Variants in ALG12 observed in about 807,000 individuals in gnomAD.
ALG12 encodes dol-P-Man:Man(7)GlcNAc(2)-PP-Dol alpha-1,6-mannosyltransferase.
ALG12 carries 36 observed loss-of-function variants against 46.0 expected under a neutral mutation model. The observed-to-expected ratio is 0.78, with a 90% CI of 0.60 to 1.03. ALG12 has a LOEUF of 1.03. Ranked by LOEUF, ALG12 falls within the 50% of genes least tolerant of loss-of-function variation. The pLI is 0.00. For synonymous variants in ALG12, 326 were observed against 291.6 expected (o/e 1.12, Z -1.20); for missense variants, 599 against 633.5 (o/e 0.95, Z 0.58).
At chr22:49,898,686 G>A (rs886345614), downstream of ALG12, among the ~76,000 whole-genome samples, 16 of 152,250 alleles carry the variant, frequency 1.1e-4, no homozygotes, top group Admixed American at 2.6e-4. Flanking sequence ...CACCACACCC[G>A]GCCAAGTGAA....
At chr22:49,912,087 C>T (rs1463009014) in intron 3 of ALG12, among the ~76,000 whole-genome samples, 4 of 144,562 alleles carry the variant, frequency 2.8e-5, no homozygotes, top group Admixed American at 6.8e-5. Context: ...GGATCACCCT[C>T]GGCCCCGGGA....
chr22:49,876,116 A>G, the ALG12 span, among the ~76,000 whole-genome samples: 2 of 151,942 alleles, frequency 1.3e-5, no homozygotes, highest in Non-Finnish European at 2.9e-5. Flanking sequence ...GTATTGCTGA[A>G]GTTTTATTCA....
rs1468674809 is a variant in ALG12, at chr22:49,903,142, T to TG, written c.*695dup. 33 of 360,806 alleles carry TG rather than the reference T, an allele frequency of 9.1e-5. 1 individual carries two copies. In the East Asian group the frequency reaches 2.5e-3, roughly 27 times the overall value. 22.4% of individuals were successfully genotyped at this position (360,806 alleles called of 1,614,324 possible). A position where few individuals can be genotyped will look rare whatever the true frequency, so the allele number is the denominator to read the frequency against. ...CAAGCTGTCCCTTTACCATAACACC[T>TG]GGAATAGTCACCTGTGATAAGCTAT... On this transcript the variant is annotated 3_prime_UTR_variant, in exon 10 of 10. Coordinates refer to ENST00000330817, the MANE Select transcript of ALG12 (RefSeq NM_024105.4).
the ALG12 span, chr22:49,885,773 C>T: frequency 6.2e-7 from 1 of 1,605,380 alleles, no homozygotes; most frequent in Non-Finnish European, 8.5e-7. Flanking sequence ...TCCAGGACAG[C>T]TATCCCAGGT....
At chr22:49,886,728 G>A in the ALG12 span, 30 of 1,613,178 alleles carry the variant, frequency 1.9e-5, 1 homozygote, top group Admixed American at 8.3e-5. The surrounding 1 kb of genome is among the most constrained non-coding windows in gnomAD (Gnocchi z 7.7). Flanking sequence ...AGGAGGAGGC[G>A]GAGCAGTACA....
rs957621646 is a variant in ALG12, at chr22:49,910,673, G to A, written c.296-66C>T. 17 of 1,577,960 alleles carry A rather than the reference G, an allele frequency of 1.1e-5. 1 individual carries two copies. In the Admixed American group the frequency reaches 2.7e-4, roughly 25 times the overall value. The stretch of plus-strand genomic sequence containing the variant: ...GAGTATCCAGTGGGGCCCCCTACGT[G>A]GGTCCTTCTACACAGATCTTTCTAT... On this transcript the variant is annotated intron_variant, in intron 3 of 9. Coordinates refer to ENST00000330817, the MANE Select transcript of ALG12 (RefSeq NM_024105.4).
chr22:49,903,882 G>T lies in ALG12; in HGVS notation c.1423C>A (p.Gln475Lys). ...CTCTCCAGAAGCACCAGCTTTGTCT[G>T]CAGGTGGACGTTGAAGGGGGGCAGT... ...TQLPPFNVHL[Q>K]TKLVLLERLP... The change falls in exon 10 of 10, where the codon CAG (glutamine) becomes AAG (lysine). Residue 475 changes from glutamine (Q) to lysine (K), a missense_variant. Coordinates refer to ENST00000330817, the MANE Select transcript of ALG12 (RefSeq NM_024105.4). 1 of 1,614,262 alleles carries T rather than the reference G, an allele frequency of 6.2e-7. No individual in the cohort carries two copies. Among genetic ancestry groups the T allele is most frequent in the Non-Finnish European group, 8.5e-7 (1 of 1,180,038 alleles).
Position 49,913,531 on chromosome 22 carries a change from G to C in ALG12, c.163-14C>G. Reference sequence around the variant, plus strand: ...AAGATGGTCGTACTGCGAGGAGAAGGGCAGGTCAGTGCACCGGGGCCCTGC... The same window carrying C: ...AAGATGGTCGTACTGCGAGGAGAAGCGCAGGTCAGTGCACCGGGGCCCTGC... On this transcript the variant is annotated splice_polypyrimidine_tract_variant and intron_variant, in intron 2 of 9. Transcript: ENST00000330817. 1.2e-6 allele frequency: 2 copies of C among 1,613,988 alleles called. No individual in the cohort carries two copies. The highest frequency in any genetic ancestry group is 2.7e-5 in the African/African-American group (2 of 75,070).
rs545931654 is a variant in ALG12 at position 49,902,982 on chromosome 22, C to T, written c.*856G>A. ...TGTGCACGTGTGCACTGTGTGCATGCGTGTGTGGTGTGTGTGCATGTATGC... is the reference window on the plus strand; with the variant it reads ...TGTGCACGTGTGCACTGTGTGCATGTGTGTGTGGTGTGTGTGCATGTATGC... On this transcript the variant is annotated 3_prime_UTR_variant, in exon 10 of 10. Transcript: ENST00000330817. 406 of 328,184 alleles carry T rather than the reference C, an allele frequency of 1.2e-3. 1 individual carries two copies. The highest frequency in any genetic ancestry group is 1.6e-3 in the Non-Finnish European group (280 of 170,124). The allele number at this position is 328,184 out of a possible 1,614,324, so 20.3% of individuals were successfully genotyped here. A position where few individuals can be genotyped will look rare whatever the true frequency, so the allele number is the denominator to read the frequency against.
the ALG12 span, among the ~76,000 whole-genome samples, chr22:49,874,786 G>A: frequency 4.8e-5 from 7 of 146,656 alleles, no homozygotes; most frequent in Non-Finnish European, 7.4e-5. Flanking sequence ...AGGTTCAAGC[G>A]ATTCTCCTGC....
At position 49,903,387 on chromosome 22, in the gene ALG12, C is replaced by G. The variant is rs746953599; in HGVS notation, c.*451G>C. On this transcript the variant is annotated 3_prime_UTR_variant, in exon 10 of 10. Coordinates refer to ENST00000330817, the MANE Select transcript of ALG12 (RefSeq NM_024105.4). The stretch of plus-strand genomic sequence containing the variant: ...GCGGCCGGGGCCACCATGGTCTCCC[C>G]TGAGAGGGGGTGCTGTCTTAGGTGC... 1.6e-4 allele frequency: 61 copies of G among 375,830 alleles called. 2 individuals carry two copies. Among genetic ancestry groups the G allele is most frequent in the Non-Finnish European group, 8.3e-5 (15 of 181,518 alleles). The allele number at this position is 375,830 out of a possible 1,614,324, so 23.3% of individuals were successfully genotyped here.
chr22:49,898,207 A>G (rs756747972), downstream of ALG12, among the ~76,000 whole-genome samples: 7 of 151,286 alleles, frequency 4.6e-5, no homozygotes, highest in Admixed American at 4.6e-4. Context: ...GAGTATCACT[A>G]TATCACCCAG....
At chr22:49,865,364 C>T in the ALG12 span, among the ~76,000 whole-genome samples, 7 of 151,930 alleles carry the variant, frequency 4.6e-5, no homozygotes, top group African/African-American at 7.3e-5. Context: ...AATGCTTACA[C>T]GGGGGCCGGG....
rs556496917 is a variant in ALG12, at chr22:49,910,526, A to C, written c.377T>G (p.Val126Gly). 14 of 1,613,978 alleles carry C rather than the reference A, an allele frequency of 8.7e-6. No individual in the cohort carries two copies. In the South Asian group the frequency reaches 8.8e-5, roughly 10 times the overall value. Residue 126 changes from valine to glycine, a missense_variant, in exon 4 of 10, where the codon GTG becomes GGG. By Grantham distance (109) the Val-to-Gly change is moderately radical. Transcript: ENST00000330817. ...KEVRRHFGAMVATMFCWVTAM... is the reference protein window; with the variant it reads ...KEVRRHFGAMGATMFCWVTAM... The stretch of plus-strand genomic sequence containing the variant: ...CGTCACCCAGCAGAACATGGTGGCC[A>C]CCATGGCCCCGAAGTGCCGTCTCAC...
At chr22:49,864,306 C>T in the ALG12 span, among the ~76,000 whole-genome samples, 6 of 152,214 alleles carry the variant, frequency 3.9e-5, no homozygotes, top group Admixed American at 3.9e-4. Flanking sequence ...TTATCTCTTG[C>T]TACAAACATC....
intron 3 of ALG12, among the ~76,000 whole-genome samples, chr22:49,911,983 C>CCACGGGA (rs1275369670): frequency 2.0e-5 from 3 of 152,228 alleles, no homozygotes; most frequent in African/African-American, 7.2e-5. Context: ...TCAGCCTCGG[C>CCACGGGA]TGCGGGATCA....
chr22:49,895,657 TAAAA>T (rs59138053), downstream of ALG12, among the ~76,000 whole-genome samples: 8 of 125,728 alleles, frequency 6.4e-5, no homozygotes, highest in South Asian at 1.7e-3. Flanking sequence ...ATCTCAAAAA[TAAAA>T]AAAAAAAAAA....
the ALG12 span, among the ~76,000 whole-genome samples, chr22:49,868,417 A>C: frequency 6.6e-6 from 1 of 152,078 alleles, no homozygotes; most frequent in South Asian, 2.1e-4. Context: ...CCATCTCCAC[A>C]AAAAATGCAA....
chr22:49,878,470 A>C, the ALG12 span, among the ~76,000 whole-genome samples: 4 of 152,190 alleles, frequency 2.6e-5, no homozygotes, highest in Non-Finnish European at 5.9e-5. Context: ...CGAGCAACCA[A>C]TTCTCAACAA....
Sources: gnomAD v4.1 joint callset for allele counts (sites outside exome capture counted in the v4.1 genomes callset) on GRCh38, gnomAD v4.1.1 for gene constraint, Gnocchi (gnomAD v3.1) non-coding constraint, MANE v1.5 for transcripts, NCBI Gene and HGNC (gene_info 2026-07-23, HGNC 2026-07-21) for gene names.